Variants in SEMA6D observed in about 807,000 individuals in gnomAD.
SEMA6D encodes semaphorin-6D.
In SEMA6D, 35 loss-of-function variants were observed where a neutral mutation model predicts 106.6. The observed-to-expected ratio is 0.33, with a 90% confidence interval of 0.25 to 0.44. The LOEUF is 0.44. Among genes scored for constraint, SEMA6D ranks in the 20% least tolerant of loss-of-function variants. The pLI is 1.00. For missense variants in SEMA6D, 1,185 were observed against 1,345.9 expected (o/e 0.88, Z 1.87); for synonymous variants, 499 against 487.7 (o/e 1.02, Z -0.31).
At chr15:47,303,399 G>T (rs565690691) in intron 1 of SEMA6D, among the ~76,000 whole-genome samples, 1 of 152,302 alleles carries the variant, frequency 6.6e-6, no homozygotes, top group Admixed American at 6.5e-5. Context: ...TCTTTCCCAT[G>T]ACTTTTACAT....
intron 1 of SEMA6D, among the ~76,000 whole-genome samples, chr15:47,745,049 A>C (rs1016974073): frequency 2.0e-5 from 3 of 152,144 alleles, no homozygotes. Context: ...TATTATCTCC[A>C]GGTGTGTTTA....
In SEMA6D at chr15:47,771,554, T is replaced by C. The variant is rs1430345666; in HGVS notation, c.2991T>C (p.Arg997=). 6.2e-7 allele frequency: 1 copy of C among 1,614,086 alleles called. No individual in the cohort carries two copies. Among genetic ancestry groups the C allele is most frequent in the Non-Finnish European group, 8.5e-7 (1 of 1,179,972 alleles). Residue 997 remains arginine (R), a synonymous_variant, in exon 19 of 19, where the codon CGT becomes CGC. Coordinates refer to ENST00000536845, the MANE Select transcript of SEMA6D (RefSeq NM_001358351.3). ...TATCCAGACAGCCTAGTATGAACCG[T>C]GGAGGATATATGCCCACCCCCACTG... ...VLLSRQPSMN[R]GGYMPTPTGA...
chr15:47,625,112 A>G (rs2077177362), intron 4 of SEMA6D, among the ~76,000 whole-genome samples: 1 of 152,162 alleles, frequency 6.6e-6, no homozygotes, highest in African/African-American at 2.4e-5. Flanking sequence ...ATGTTCAGAA[A>G]AGACCAAATG....
chr15:47,683,259 G>A (rs1243281927), intron 4 of SEMA6D, among the ~76,000 whole-genome samples: 2 of 152,076 alleles, frequency 1.3e-5, no homozygotes, highest in Non-Finnish European at 2.9e-5. Context: ...TCCTCGGTAT[G>A]TCCATGTGTA....
chr15:47,605,299 G>A (rs1437867115), intron 4 of SEMA6D: 1 of 152,062 alleles, frequency 6.6e-6, no homozygotes, highest in Non-Finnish European at 1.5e-5. Context: ...CCTCTCCATA[G>A]GCCACTTGAG....
intron 3 of SEMA6D, chr15:47,525,382 C>T (rs1262633454): frequency 1.3e-5 from 2 of 152,214 alleles, no homozygotes; most frequent in Non-Finnish European, 2.9e-5. Context: ...CAGGTCAAGC[C>T]ACAGTGAAAT....
chr15:47,744,068 A>G (rs1024343122), intron 1 of SEMA6D, among the ~76,000 whole-genome samples: 4 of 152,192 alleles, frequency 2.6e-5, no homozygotes, highest in Non-Finnish European at 5.9e-5. Context: ...TTTACCAAGT[A>G]GATAGTGAGT....
chr15:47,262,391 A>G (rs1266715310), intron 1 of SEMA6D, among the ~76,000 whole-genome samples: 2 of 152,102 alleles, frequency 1.3e-5, no homozygotes, highest in Non-Finnish European at 2.9e-5. Context: ...ACGGTTCCAT[A>G]TGGCTGGGGA....
At chr15:47,757,763 G>C (rs1018626169) in intron 1 of SEMA6D, among the ~76,000 whole-genome samples, 1 of 152,076 alleles carries the variant, frequency 6.6e-6, no homozygotes, top group African/African-American at 2.4e-5. Flanking sequence ...TAATATTTTA[G>C]GATATCTTTT....
chr15:47,552,881 A>T (rs1004181790), intron 3 of SEMA6D, among the ~76,000 whole-genome samples: 21 of 14,332 alleles, frequency 1.5e-3, no homozygotes, highest in East Asian at 0.011. Context: ...TATATATATA[A>T]ATATATATAA....
chr15:47,254,866 C>A (rs1464220381), intron 1 of SEMA6D, among the ~76,000 whole-genome samples: 7 of 81,814 alleles, frequency 8.6e-5, no homozygotes, highest in African/African-American at 3.3e-4. Context: ...GGGATATTGA[C>A]CTGTGGTTTT....
At chr15:47,464,119 T>C in intron 2 of SEMA6D, among the ~76,000 whole-genome samples, 1 of 152,182 alleles carries the variant, frequency 6.6e-6, no homozygotes, top group Non-Finnish European at 1.5e-5. Context: ...TCAGGGGTTA[T>C]GATCTGGACA....
chr15:47,434,541 G>A (rs2041642176), intron 2 of SEMA6D, among the ~76,000 whole-genome samples: 1 of 152,054 alleles, frequency 6.6e-6, no homozygotes, highest in African/African-American at 2.4e-5. Context: ...TCCATGATCA[G>A]TGATATATAA....
rs71432251 is a variant in SEMA6D at position 47,772,357 on chromosome 15, CGTGTGTGTGTGT to C, written c.*595_*606del. ...CACCAACAAACTTGTTGTGTGTGTG[CGTGTGTGTGTGT>C]GTGTGTGTGTGTGTGTGTGTGTTCT... On this transcript the variant is annotated 3_prime_UTR_variant, in exon 19 of 19. Coordinates refer to ENST00000536845, the MANE Select transcript of SEMA6D (RefSeq NM_001358351.3). 6 of 141,546 alleles carry C rather than the reference CGTGTGTGTGTGT, an allele frequency of 4.2e-5. No homozygotes were observed. Among genetic ancestry groups the C allele is most frequent in the Non-Finnish European group, 6.0e-5 (4 of 66,140 alleles). The allele number at this position is 141,546 out of a possible 1,614,324, so 8.8% of individuals were successfully genotyped here.
intron 4 of SEMA6D, among the ~76,000 whole-genome samples, chr15:47,602,591 A>T (rs2076686418): frequency 2.6e-5 from 4 of 151,610 alleles, no homozygotes. Context: ...ATCACTGTAG[A>T]TTCTTGGCAT....
chr15:47,263,755 C>T (rs1018180863), intron 1 of SEMA6D, among the ~76,000 whole-genome samples: 2 of 151,326 alleles, frequency 1.3e-5, no homozygotes, highest in African/African-American at 4.8e-5. Flanking sequence ...ATTTTTATGG[C>T]CACATAGTAT....
intron 1 of SEMA6D, among the ~76,000 whole-genome samples, chr15:47,226,799 C>T (rs1485401361): frequency 6.6e-6 from 1 of 152,066 alleles, no homozygotes; most frequent in Non-Finnish European, 1.5e-5. Flanking sequence ...AGACTTTGCC[C>T]TGTAGTCTCC....
chr15:47,564,165 T>G lies in SEMA6D; in HGVS notation c.-86-36700T>G, dbSNP rs554708601. ...CTGTGTACAATGTACATAATGCCCA[T>G]GCAAGCTCCTCTGAAAGATATTAAA... On this transcript the variant is annotated intron_variant, in intron 3 of 19. Transcript: ENST00000558014. Among the ~76,000 whole-genome samples the G allele has an allele frequency of 7.9e-5, 12 of 152,328 alleles. No homozygotes were observed. In the South Asian group the frequency reaches 2.3e-3, roughly 29 times the overall value.
intron 4 of SEMA6D, among the ~76,000 whole-genome samples, chr15:47,645,675 G>A (rs1434820900): frequency 6.6e-6 from 1 of 152,024 alleles, no homozygotes; most frequent in African/African-American, 2.4e-5. Context: ...ATAGCATCAG[G>A]TCACACAGGT....
Sources: allele counts gnomAD v4.1 joint callset (sites outside exome capture counted in the v4.1 genomes callset), GRCh38; gene constraint gnomAD v4.1.1; transcripts MANE v1.5; gene names NCBI Gene and HGNC (gene_info 2026-07-23, HGNC 2026-07-21).